MROH2B: variants seen among roughly 807,000 people sequenced by gnomAD.
The protein encoded by MROH2B is maestro heat-like repeat-containing protein family member 2B.
A neutral mutation model predicts 208.6 loss-of-function variants in MROH2B; 177 were observed. The ratio of observed to expected loss-of-function variants is 0.85; its 90% confidence interval spans 0.75 to 0.96. The LOEUF is 0.96. Ranked by LOEUF, MROH2B falls within the 40% of genes least tolerant of loss-of-function variation. MROH2B has a pLI of 0.00. For missense variants in MROH2B, 2,002 were observed against 1,878.7 expected, an observed-to-expected ratio of 1.07 and a Z score of -1.21; for synonymous variants, 728 against 659.0, an observed-to-expected ratio of 1.10 and a Z score of -1.60.
chr5:41,048,128 T>A, intron 16 of MROH2B, 196 bp downstream of exon 16: 1 of 579,566 alleles, frequency 1.7e-6, no homozygotes, highest in Non-Finnish European at 2.8e-6. Flanking sequence ...ACCTACTAGG[T>A]CTTCTTGTAG....
At chr5:41,051,137 G>A (rs762624083) in intron 12 of MROH2B, 47 bp from the exon 13 acceptor site, 2 of 1,287,580 alleles carry the variant, frequency 1.6e-6, no homozygotes, top group Non-Finnish European at 2.1e-6. Context: ...TCCTAAGGTT[G>A]GTCCCCTCTG....
intron 21 of MROH2B, among the ~76,000 whole-genome samples, chr5:41,034,651 T>TA (rs202086340): frequency 5.4e-5 from 8 of 147,304 alleles, no homozygotes; most frequent in African/African-American, 1.5e-4. Flanking sequence ...TTTAATTTTT[T>TA]AAAAAAAGAT....
Position 41,067,136 on chromosome 5 carries a change from T to TAA in MROH2B, c.171_172dup (p.Tyr58PhefsTer7). ...GTTGTCTCTCATATCCTTAGAAGCATAATAAATCAATCGTTGGACAATTGC... is the reference window on the plus strand; with the variant it reads ...GTTGTCTCTCATATCCTTAGAAGCATAAAATAAATCAATCGTTGGACAATTGC... On this transcript the variant is annotated frameshift_variant, in exon 3 of 42. Coordinates refer to ENST00000399564, the MANE Select transcript of MROH2B (RefSeq NM_173489.5). LOFTEE classifies it high-confidence loss of function. 1.3e-5 allele frequency: 20 copies of TAA among 1,554,116 alleles called. No individual in the cohort carries two copies. The highest frequency in any genetic ancestry group is 1.5e-5 in the Non-Finnish European group (17 of 1,147,342).
At chr5:41,056,193 T>G (rs6876819) in intron 9 of MROH2B, among the ~76,000 whole-genome samples, 57,557 of 151,898 alleles carry the variant, frequency 0.38, 11,183 homozygotes, top group Non-Finnish European at 0.43. Flanking sequence ...AGAAGAGACA[T>G]GGGGCACAGT....
At chr5:41,000,427 T>C (rs1210581936) in intron 38 of MROH2B, 76 bp from the exon 39 acceptor site, 1 of 1,552,412 alleles carries the variant, frequency 6.4e-7, no homozygotes, top group African/African-American at 1.4e-5. Flanking sequence ...TGCTGAATAG[T>C]ACTGGGAAAG....
intron 12 of MROH2B, chr5:41,051,586 G>A (rs325868): frequency 0.85 from 129,748 of 152,156 alleles, 55,519 homozygotes; most frequent in Middle Eastern, 0.89. Flanking sequence ...GTATTAGTAG[G>A]TGTGGTCTTT....
chr5:41,019,658 G>A (rs1162521063), intron 24 of MROH2B, among the ~76,000 whole-genome samples: 1 of 152,116 alleles, frequency 6.6e-6, no homozygotes, highest in Non-Finnish European at 1.5e-5. Flanking sequence ...ATAAATGTAA[G>A]TTAAGACAAT....
chr5:41,032,642 G>C (rs1388067890), intron 24 of MROH2B, 100 bp downstream of exon 24: 1 of 918,446 alleles, frequency 1.1e-6, no homozygotes, highest in African/African-American at 1.7e-5. Flanking sequence ...GTTCAGTTTT[G>C]GGAGTGTGTA....
At chr5:41,053,526 T>C (rs1024447332) in intron 11 of MROH2B, among the ~76,000 whole-genome samples, 1 of 152,174 alleles carries the variant, frequency 6.6e-6, no homozygotes, top group African/African-American at 2.4e-5. Flanking sequence ...ACCAATCCCT[T>C]AGTGAACAGG....
intron 22 of MROH2B, 36 bp downstream of exon 22, chr5:41,033,802 T>TATCC (rs1554049330): frequency 5.6e-6 from 7 of 1,252,014 alleles, no homozygotes; most frequent in Non-Finnish European, 7.8e-6. Context: ...TCTATCTATC[T>TATCC]ATCTATCTAT....
chr5:41,065,611 A>G, intron 3 of MROH2B, 121 bp from the exon 4 acceptor site: 1 of 821,122 alleles, frequency 1.2e-6, no homozygotes, highest in Non-Finnish European at 1.8e-6. Context: ...TTATAGATTC[A>G]GGGGGTACAT....
chr5:41,030,382 A>G (rs182720362), intron 24 of MROH2B, among the ~76,000 whole-genome samples: 1 of 152,052 alleles, frequency 6.6e-6, no homozygotes, highest in Admixed American at 6.6e-5. Flanking sequence ...AACAGCTGAA[A>G]AAAAATTAAA....
In MROH2B at chr5:41,064,494, C is replaced by T. The variant is rs377494374; in HGVS notation, c.438G>A (p.Arg146=). Reference sequence around the variant, plus strand: ...CACCAATACAGAAAGTCCCCTTCATCCTTTCATCCTCGGCCAGCCTGAGCA... The same window carrying T: ...CACCAATACAGAAAGTCCCCTTCATTCTTTCATCCTCGGCCAGCCTGAGCA... ...QTMLRLAEDE[R]MKGTFCIALE... Residue 146 remains arginine, a synonymous_variant, in exon 5 of 42, where the codon AGG becomes AGA. Transcript: ENST00000399564. 1.2e-6 allele frequency: 2 copies of T among 1,603,794 alleles called. No homozygotes were observed. Among genetic ancestry groups the T allele is most frequent in the African/African-American group, 2.7e-5 (2 of 74,780 alleles).
In MROH2B at chr5:41,038,768, G is replaced by T. The variant is rs202186507; in HGVS notation, c.2182C>A (p.Gln728Lys). The change falls in exon 21 of 42, where the codon CAA becomes AAA. Residue 728 changes from glutamine (Q) to lysine (K), a missense_variant. Transcript: ENST00000399564. The stretch of plus-strand genomic sequence containing the variant: ...CACTGGCCATGAAGAGACAGGACTT[G>T]GGATATGATATCTTGATTAAGTCTG... ...LSRLNQDIIS[Q>K]VLSLHGQCSQ... 1 of 1,613,288 alleles carries T rather than the reference G, an allele frequency of 6.2e-7. No individual in the cohort carries two copies.
intron 11 of MROH2B, among the ~76,000 whole-genome samples, chr5:41,054,049 G>T (rs1743368530): frequency 6.6e-6 from 1 of 151,850 alleles, no homozygotes; most frequent in African/African-American, 2.4e-5. Context: ...GTGCAGTCTG[G>T]GCTCACTGCA....
chr5:41,006,032 C>CA (rs5867531), intron 34 of MROH2B, among the ~76,000 whole-genome samples: 97,745 of 129,748 alleles, frequency 0.75, 35,788 homozygotes, highest in Admixed American at 0.81. Context: ...ATTCTGTCTC[C>CA]AAAAAAAAAA....
chr5:41,065,505 A>G lies in MROH2B; in HGVS notation c.202-15T>C, dbSNP rs1353800843. 6.2e-7 allele frequency: 1 copy of G among 1,610,222 alleles called. No homozygotes were observed. Among genetic ancestry groups the G allele is most frequent in the Non-Finnish European group, 8.5e-7 (1 of 1,178,444 alleles). The stretch of plus-strand genomic sequence containing the variant: ...TCTCTGAGCATCTGAGGAGGAAAAG[A>G]AAAATAACAATAACAACTAGAAAAG... On this transcript the variant is annotated splice_polypyrimidine_tract_variant and intron_variant, in intron 3 of 41. Coordinates refer to ENST00000399564, the MANE Select transcript of MROH2B (RefSeq NM_173489.5).
chr5:41,062,918 T>A (rs1486668126), intron 5 of MROH2B, among the ~76,000 whole-genome samples: 1 of 151,480 alleles, frequency 6.6e-6, no homozygotes, highest in Non-Finnish European at 1.5e-5. Flanking sequence ...AGGGATGATG[T>A]CTTGCTGGTT....
chr5:41,043,236 T>A (rs1743009320), intron 18 of MROH2B, among the ~76,000 whole-genome samples: 2 of 152,176 alleles, frequency 1.3e-5, no homozygotes, highest in Non-Finnish European at 2.9e-5. Flanking sequence ...GTGGAGCAGT[T>A]GCTGTTATCT....
Sources: gnomAD v4.1 joint callset for allele counts (sites outside exome capture counted in the v4.1 genomes callset) on GRCh38, gnomAD v4.1.1 for gene constraint, MANE v1.5 for transcripts, NCBI Gene and HGNC (gene_info 2026-07-23, HGNC 2026-07-21) for gene names.